CRACD: variants seen among roughly 807,000 people sequenced by gnomAD.
The protein encoded by CRACD is capping protein-inhibiting regulator of actin dynamics.
Under a neutral mutation model 106.8 loss-of-function variants are expected in CRACD, and 56 were observed. The ratio of observed to expected loss-of-function variants is 0.52; its 90% CI spans 0.42 to 0.66. CRACD has a LOEUF of 0.66. CRACD is among the 30% of genes least tolerant of loss of function. CRACD has a pLI of 0.00. For synonymous variants in CRACD, 754 were observed against 670.8 expected (o/e 1.12, Z -1.92); for missense variants, 1,730 against 1,623.2 (o/e 1.07, Z -1.13).
At chr4:56,322,914 A>G (rs1406310146) in intron 8 of CRACD, among the ~76,000 whole-genome samples, 7 of 152,156 alleles carry the variant, frequency 4.6e-5, no homozygotes, top group Admixed American at 4.6e-4. Flanking sequence ...CTGTAGTCCT[A>G]GCTACTCGCG....
chr4:56,314,691 G>A lies in CRACD; in HGVS notation c.1189G>A (p.Glu397Lys), dbSNP rs898155833. ...GACTGGGGAGGGCCGGCGGGGCGCG[G>A]AGGAGGAGGATCTGGGGGAAGAGGA... Reference protein sequence around the residue: ...EETGEGRRGAEEEDLGEEEEE... With the variant: ...EETGEGRRGAKEEDLGEEEEE... The change falls in exon 8 of 11, where the codon GAG becomes AAG. Residue 397 changes from glutamate (E) to lysine (K), a missense_variant. Coordinates refer to ENST00000682029, the MANE Select transcript of CRACD (RefSeq NM_001393381.1). This position sits in a 1 kb window ranked among gnomAD's most constrained non-coding sequence, Gnocchi z 4.4. 6.4e-7 allele frequency: 1 copy of A among 1,555,488 alleles called. No individual in the cohort carries two copies.
At chr4:56,235,029 A>C (rs1015496951) in intron 2 of CRACD, among the ~76,000 whole-genome samples, 5 of 152,224 alleles carry the variant, frequency 3.3e-5, no homozygotes, top group African/African-American at 4.8e-5. Flanking sequence ...TGTTTTCAAC[A>C]GTTCATTGCA....
At position 56,315,878 on chromosome 4, in the gene CRACD, C is replaced by G. The variant is rs1745599577; in HGVS notation, c.2376C>G (p.Ala792=). 6.2e-7 allele frequency: 1 copy of G among 1,614,184 alleles called. No individual in the cohort carries two copies. Among genetic ancestry groups the G allele is most frequent in the East Asian group, 2.2e-5 (1 of 44,870 alleles). Reference sequence around the variant, plus strand: ...ACACCACCGAGGGATGCAAATTTGCCAAAGACCTCCCGTCTTTCCTTGTCC... The same window carrying G: ...ACACCACCGAGGGATGCAAATTTGCGAAAGACCTCCCGTCTTTCCTTGTCC... ...PADTTEGCKF[A]KDLPSFLVPS... Residue 792 remains alanine (A), a synonymous_variant, in exon 8 of 11, where the codon GCC becomes GCG. Transcript: ENST00000682029. This position sits in a 1 kb window ranked among gnomAD's most constrained non-coding sequence, Gnocchi z 4.1.
chr4:56,120,732 A>G (rs1734457003), intron 1 of CRACD, among the ~76,000 whole-genome samples: 1 of 152,264 alleles, frequency 6.6e-6, no homozygotes, highest in Non-Finnish European at 1.5e-5. Flanking sequence ...CATAGTAACT[A>G]GCAGAATGGT....
intron 1 of CRACD, among the ~76,000 whole-genome samples, chr4:56,098,158 T>C (rs530732750): frequency 3.9e-5 from 6 of 152,358 alleles, no homozygotes; most frequent in Non-Finnish European, 7.3e-5. Flanking sequence ...ACTTGACAAA[T>C]GTGTTACTGT....
intron 2 of CRACD, among the ~76,000 whole-genome samples, chr4:56,184,082 T>C (rs1338393433): frequency 1.3e-5 from 2 of 152,144 alleles, no homozygotes; most frequent in African/African-American, 4.8e-5. Context: ...TTTCTTTTTT[T>C]TCCCCCAAGA....
intron 2 of CRACD, among the ~76,000 whole-genome samples, chr4:56,260,360 A>T (rs1000933338): frequency 1.3e-5 from 2 of 152,176 alleles, no homozygotes; most frequent in Non-Finnish European, 2.9e-5. Flanking sequence ...GTGATTTCAG[A>T]TGTAGGTGGG....
chr4:56,291,078 T>C (rs137984761), intron 3 of CRACD, among the ~76,000 whole-genome samples: 14 of 152,350 alleles, frequency 9.2e-5, no homozygotes, highest in African/African-American at 3.1e-4. Flanking sequence ...GAGGTCTTTA[T>C]ACAGCTCTTC....
At chr4:56,271,245 A>C (rs1371227093) in intron 2 of CRACD, among the ~76,000 whole-genome samples, 2 of 149,138 alleles carry the variant, frequency 1.3e-5, no homozygotes, top group Admixed American at 1.3e-4. Context: ...TTTTCCAAGG[A>C]AAGAGTGGAA....
At chr4:56,109,129 T>A (rs945137542) in intron 1 of CRACD, among the ~76,000 whole-genome samples, 1 of 152,222 alleles carries the variant, frequency 6.6e-6, no homozygotes, top group Non-Finnish European at 1.5e-5. Flanking sequence ...GCGGCCCTTA[T>A]GCGGGCGTGA....
chr4:56,216,897 G>A (rs1004571396), intron 2 of CRACD, among the ~76,000 whole-genome samples: 3 of 149,574 alleles, frequency 2.0e-5, no homozygotes, highest in African/African-American at 4.9e-5. Context: ...GGAGAATGGC[G>A]TGAACCCGGG....
chr4:56,080,458 C>T (rs912786003), intron 1 of CRACD, among the ~76,000 whole-genome samples: 11 of 152,156 alleles, frequency 7.2e-5, no homozygotes, highest in Admixed American at 2.0e-4. Flanking sequence ...TGTTTTATGA[C>T]GCAAGTCCAA....
intron 2 of CRACD, among the ~76,000 whole-genome samples, chr4:56,220,252 T>C (rs1053002534): frequency 6.6e-6 from 1 of 152,196 alleles, no homozygotes; most frequent in Non-Finnish European, 1.5e-5. Flanking sequence ...AAAAAAAGAT[T>C]AGACTGAAGT....
At chr4:56,174,123 C>A (rs974765977) in intron 1 of CRACD, among the ~76,000 whole-genome samples, 4 of 152,132 alleles carry the variant, frequency 2.6e-5, no homozygotes, top group Non-Finnish European at 4.4e-5. Context: ...CTGGCAACAC[C>A]ATTTTTTTAA....
At chr4:56,063,213 A>C (rs888754761) in intron 1 of CRACD, among the ~76,000 whole-genome samples, 2 of 149,554 alleles carry the variant, frequency 1.3e-5, no homozygotes, top group African/African-American at 4.9e-5. Context: ...TTTTTTTTTG[A>C]GACAGGGCCA....
At chr4:56,203,505 G>T (rs574336605) in intron 2 of CRACD, among the ~76,000 whole-genome samples, 1 of 152,136 alleles carries the variant, frequency 6.6e-6, no homozygotes, top group African/African-American at 2.4e-5. Context: ...AGGCAGGTCT[G>T]GGCAGTAGCT....
intron 1 of CRACD, among the ~76,000 whole-genome samples, chr4:56,112,924 G>C (rs886143654): frequency 6.6e-6 from 1 of 151,946 alleles, no homozygotes; most frequent in African/African-American, 2.4e-5. Flanking sequence ...CAACAATTAG[G>C]CTCCATTAAT....
At chr4:56,210,952 T>A (rs1172189866) in intron 2 of CRACD, among the ~76,000 whole-genome samples, 2 of 152,198 alleles carry the variant, frequency 1.3e-5, no homozygotes, top group East Asian at 3.9e-4. Flanking sequence ...GAACACTTTA[T>A]CTAGAATAAA....
intron 2 of CRACD, among the ~76,000 whole-genome samples, chr4:56,224,973 G>A (rs1306370613): frequency 6.6e-6 from 1 of 152,190 alleles, no homozygotes; most frequent in African/African-American, 2.4e-5. Context: ...GAGGATACAA[G>A]CCTTAGCCCA....
Sources: allele counts gnomAD v4.1 joint callset (sites outside exome capture counted in the v4.1 genomes callset), GRCh38; gene constraint gnomAD v4.1.1; non-coding constraint Gnocchi (gnomAD v3.1); transcripts MANE v1.5; gene names NCBI Gene and HGNC (gene_info 2026-07-23, HGNC 2026-07-21).